TEAD1: variants seen among roughly 807,000 people sequenced by gnomAD.
TEAD1 encodes the protein TEA domain transcription factor 1.
Under a neutral mutation model 54.9 loss-of-function variants are expected in TEAD1, and 9 were observed. The observed-to-expected ratio is 0.16, with a 90% confidence interval of 0.10 to 0.29. The LOEUF is 0.29. Ranked by LOEUF, TEAD1 falls within the 10% of genes least tolerant of loss-of-function variation. TEAD1 has a pLI of 1.00. For missense variants in TEAD1, 387 were observed against 535.9 expected, an observed-to-expected ratio of 0.72 and a Z score of 2.74; for synonymous variants, 200 against 187.8, an observed-to-expected ratio of 1.07 and a Z score of -0.53.
chr11:12,850,594 G>A (rs1001135901), intron 3 of TEAD1, among the ~76,000 whole-genome samples: 1 of 152,176 alleles, frequency 6.6e-6, no homozygotes, highest in Admixed American at 6.5e-5. Flanking sequence ...AGTTTCCCAA[G>A]TTCACACAGC....
chr11:12,880,228 G>A (rs1239409986), intron 6 of TEAD1, among the ~76,000 whole-genome samples: 1 of 152,100 alleles, frequency 6.6e-6, no homozygotes, highest in Non-Finnish European at 1.5e-5. Context: ...GTCTTCAGGG[G>A]CAACTAGCCC....
At chr11:12,857,081 A>G (rs150499749) in intron 3 of TEAD1, among the ~76,000 whole-genome samples, 222 of 152,286 alleles carry the variant, frequency 1.5e-3, no homozygotes, top group African/African-American at 5.0e-3. Context: ...TGCAAACTCC[A>G]TGCCTTTCTT....
chr11:12,744,018 T>G (rs898492473), intron 2 of TEAD1, among the ~76,000 whole-genome samples: 1 of 152,092 alleles, frequency 6.6e-6, no homozygotes, highest in African/African-American at 2.4e-5. Flanking sequence ...TGTGGGAGAG[T>G]GTCTGAAACT....
intron 3 of TEAD1, among the ~76,000 whole-genome samples, chr11:12,843,723 C>T (rs1222425872): frequency 6.6e-6 from 1 of 152,218 alleles, no homozygotes; most frequent in Non-Finnish European, 1.5e-5. Flanking sequence ...TTTAAAACCA[C>T]ATGAAATAAC....
intron 2 of TEAD1, among the ~76,000 whole-genome samples, chr11:12,708,884 A>G (rs1943873389): frequency 1.3e-5 from 2 of 152,214 alleles, no homozygotes; most frequent in Admixed American, 6.5e-5. Context: ...ATATGTGTGT[A>G]TTGAGTGCAT....
chr11:12,695,171 A>C (rs1455074850), intron 2 of TEAD1, among the ~76,000 whole-genome samples: 2 of 152,238 alleles, frequency 1.3e-5, no homozygotes, highest in Non-Finnish European at 2.9e-5. Context: ...GTTCAACTTC[A>C]GGCCTCACTA....
Position 12,771,220 on chromosome 11 carries a change from G to A in TEAD1, c.202+6786G>A, listed in dbSNP as rs779007085. Among the ~76,000 whole-genome samples the A allele has an allele frequency of 2.0e-5, 3 of 152,196 alleles. No individual in the cohort carries two copies. The East Asian group carries it at 5.8e-4, about 29-fold the overall frequency. ...GGGGAGGGGTACAGGAGCCAGCATT[G>A]TGTCGTTGCGGGTCCGAGTGCCATG... On this transcript the variant is annotated intron_variant, in intron 3 of 12. Coordinates refer to ENST00000527636, the MANE Select transcript of TEAD1 (RefSeq NM_021961.6).
intron 3 of TEAD1, among the ~76,000 whole-genome samples, chr11:12,774,838 C>T (rs1406296610): frequency 2.0e-5 from 3 of 151,854 alleles, no homozygotes. Context: ...ACATGGACAC[C>T]GACACATAGA....
chr11:12,746,520 C>A (rs1473330850), intron 2 of TEAD1, among the ~76,000 whole-genome samples: 1 of 151,988 alleles, frequency 6.6e-6, no homozygotes, highest in Non-Finnish European at 1.5e-5. Flanking sequence ...AATATGTTAC[C>A]CTGATTAGGT....
intron 12 of TEAD1, 23 bp downstream of exon 12, chr11:12,930,349 C>T: frequency 3.1e-6 from 5 of 1,613,794 alleles, no homozygotes; most frequent in Non-Finnish European, 4.2e-6. Flanking sequence ...TCTCTTTCCT[C>T]TGTGGGCAGA....
chr11:12,788,830 A>G (rs1170831913), intron 3 of TEAD1, among the ~76,000 whole-genome samples: 1 of 152,248 alleles, frequency 6.6e-6, no homozygotes, highest in East Asian at 1.9e-4. Flanking sequence ...ATTTCAGTTT[A>G]AAGTTATTTT....
chr11:12,857,004 C>A (rs534642760), intron 3 of TEAD1, among the ~76,000 whole-genome samples: 2 of 152,216 alleles, frequency 1.3e-5, no homozygotes, highest in Admixed American at 1.3e-4. Flanking sequence ...ACCTTGAGGC[C>A]ACATCACATT....
At chr11:12,734,977 T>C (rs1944499467) in intron 2 of TEAD1, among the ~76,000 whole-genome samples, 1 of 152,214 alleles carries the variant, frequency 6.6e-6, no homozygotes, top group East Asian at 1.9e-4. Context: ...TAAGATGATA[T>C]TAAATGTAGT....
At chr11:12,703,367 G>A (rs1476755870) in intron 2 of TEAD1, among the ~76,000 whole-genome samples, 3 of 152,174 alleles carry the variant, frequency 2.0e-5, no homozygotes, top group Non-Finnish European at 4.4e-5. Context: ...TGCTCGGTAC[G>A]TGGAGATATT....
intron 3 of TEAD1, among the ~76,000 whole-genome samples, chr11:12,824,961 T>A (rs189572557): frequency 5.3e-5 from 8 of 152,352 alleles, no homozygotes; most frequent in Admixed American, 3.3e-4. Context: ...TATGAGTAAT[T>A]TTATCTTTCA....
intron 3 of TEAD1, among the ~76,000 whole-genome samples, chr11:12,847,576 G>GT (rs1014418746): frequency 6.6e-6 from 1 of 152,186 alleles, no homozygotes; most frequent in Non-Finnish European, 1.5e-5. Flanking sequence ...AGACAGAAGT[G>GT]TGTGTAGAGA....
intron 2 of TEAD1, among the ~76,000 whole-genome samples, chr11:12,695,467 G>A (rs1272697343): frequency 2.0e-5 from 3 of 152,156 alleles, no homozygotes; most frequent in Non-Finnish European, 4.4e-5. Context: ...TCTTTTTCAT[G>A]TAGATTTCAG....
intron 5 of TEAD1, among the ~76,000 whole-genome samples, chr11:12,869,961 C>T (rs2134079557): frequency 6.6e-6 from 1 of 152,184 alleles, no homozygotes; most frequent in African/African-American, 2.4e-5. Flanking sequence ...CTCATTGCAA[C>T]CTCCGCCTCC....
intron 2 of TEAD1, among the ~76,000 whole-genome samples, chr11:12,707,676 A>T (rs1943849270): frequency 6.6e-6 from 1 of 152,236 alleles, no homozygotes; most frequent in South Asian, 2.1e-4. Flanking sequence ...TATAGTTGGC[A>T]CATTTAAAAG....
Sources: gnomAD v4.1 joint callset for allele counts (sites outside exome capture counted in the v4.1 genomes callset) on GRCh38, gnomAD v4.1.1 for gene constraint, MANE v1.5 for transcripts, NCBI Gene and HGNC (gene_info 2026-07-23, HGNC 2026-07-21) for gene names.